Variants in GLI3 observed in about 807,000 individuals in gnomAD.
The protein encoded by GLI3 is GLI family zinc finger 3.
GLI3 carries 20 observed loss-of-function variants against 100.8 expected under a neutral mutation model. The observed-to-expected ratio is 0.20, with a 90% CI of 0.14 to 0.29. The LOEUF (loss-of-function observed/expected upper bound fraction) is 0.29. GLI3 is among the 10% of genes least tolerant of loss of function. The probability of loss-of-function intolerance (pLI) is 1.00; values close to 1 mark genes in which losing one functional copy is unlikely to be tolerated. For missense variants in GLI3, 2,040 were observed against 2,128.5 expected (o/e 0.96, Z 0.82); for synonymous variants, 938 against 860.5 (o/e 1.09, Z -1.58).
At chr7:42,179,820 C>T (rs1019278636) in intron 2 of GLI3, among the ~76,000 whole-genome samples, 3 of 152,124 alleles carry the variant, frequency 2.0e-5, no homozygotes, top group African/African-American at 7.2e-5. Flanking sequence ...GCCTTGCCAT[C>T]ACCTGGGCTA....
At chr7:42,249,991 A>C (rs1221502539) in intron 1 of GLI3, among the ~76,000 whole-genome samples, 1 of 152,116 alleles carries the variant, frequency 6.6e-6, no homozygotes, top group Non-Finnish European at 1.5e-5. Context: ...GCTACTCTGG[A>C]GCCTGAGGTG....
At chr7:42,179,884 A>G (rs1341430074) in intron 2 of GLI3, among the ~76,000 whole-genome samples, 2 of 152,178 alleles carry the variant, frequency 1.3e-5, no homozygotes, top group Non-Finnish European at 2.9e-5. Context: ...CGCCAATGTC[A>G]TGTTTAAGAT....
intron 3 of GLI3, among the ~76,000 whole-genome samples, chr7:42,109,722 T>C (rs1409594133): frequency 6.6e-6 from 1 of 152,170 alleles, no homozygotes; most frequent in African/African-American, 2.4e-5. Flanking sequence ...ACAAATAAGA[T>C]GAAGAGACGC....
At chr7:42,182,662 A>ATATACATGTGTG (rs750131355) in intron 2 of GLI3, among the ~76,000 whole-genome samples, 1 of 76,742 alleles carries the variant, frequency 1.3e-5, no homozygotes, top group Non-Finnish European at 2.5e-5. Flanking sequence ...ATATATATAT[A>ATATACATGTGTG]TATATATATA....
At chr7:42,166,347 T>C (rs1467118726) in intron 2 of GLI3, among the ~76,000 whole-genome samples, 1 of 152,172 alleles carries the variant, frequency 6.6e-6, no homozygotes, top group African/African-American at 2.4e-5. Context: ...GAATAAATAA[T>C]TGAATGAATG....
chr7:42,228,205 G>A (rs1159740526), intron 1 of GLI3, among the ~76,000 whole-genome samples: 1 of 152,140 alleles, frequency 6.6e-6, no homozygotes, highest in Admixed American at 6.5e-5. Flanking sequence ...TCCCGGCCCC[G>A]GCGCGCCCCA....
At chr7:42,235,580 A>C (rs1474724735) in intron 1 of GLI3, among the ~76,000 whole-genome samples, 2 of 152,212 alleles carry the variant, frequency 1.3e-5, no homozygotes, top group African/African-American at 4.8e-5. Flanking sequence ...GGAAAGGCCT[A>C]ATTACTCGAA....
chr7:42,263,313 G>A (rs1276495163), intron 1 of GLI3, among the ~76,000 whole-genome samples: 1 of 152,194 alleles, frequency 6.6e-6, no homozygotes, highest in Non-Finnish European at 1.5e-5. Flanking sequence ...ACAAGTTTAT[G>A]TGCCTATGTT....
In GLI3 at chr7:41,972,597, T is replaced by C. The variant is rs200913720; in HGVS notation, c.1843A>G (p.Thr615Ala). The C allele has an allele frequency of 1.2e-6, 2 of 1,607,450 alleles. No individual in the cohort carries two copies. The highest frequency in any genetic ancestry group is 8.5e-7 in the Non-Finnish European group (1 of 1,179,912). Reference protein sequence around the residue: ...KPYVCKIPGCTKRYTDPSSLR... With the variant: ...KPYVCKIPGCAKRYTDPSSLR... The stretch of plus-strand genomic sequence containing the variant: ...GAGCTTGGGTCTGTGTAACGCTTAG[T>C]GCAGCCTGGGATTTTGCACACATAT... Residue 615 changes from threonine to alanine, a missense_variant, in exon 13 of 15, where the codon ACT (threonine) becomes GCT (alanine). By Grantham distance (58) the Thr-to-Ala change is moderately conservative. Around this residue, in one of 5 missense-constraint regions of GLI3, gnomAD observed 61 missense variants for 150.9 expected, o/e 0.40. Coordinates refer to ENST00000395925, the MANE Select transcript of GLI3 (RefSeq NM_000168.6). The surrounding 1 kb of genome is among the most constrained non-coding windows in gnomAD (Gnocchi z 4.4).
chr7:42,239,061 G>A (rs1788894466), upstream of GLI3, among the ~76,000 whole-genome samples: 1 of 152,282 alleles, frequency 6.6e-6, no homozygotes. Flanking sequence ...GACATGACAA[G>A]TGCAGAGACA....
At chr7:42,261,776 A>G (rs1789142673) in intron 1 of GLI3, among the ~76,000 whole-genome samples, 1 of 152,192 alleles carries the variant, frequency 6.6e-6, no homozygotes, top group Non-Finnish European at 1.5e-5. Flanking sequence ...AGTATTCTTT[A>G]AAGATAGAGA....
intron 2 of GLI3, among the ~76,000 whole-genome samples, chr7:42,176,069 G>C (rs1221922479): frequency 6.6e-6 from 1 of 152,134 alleles, no homozygotes; most frequent in Admixed American, 6.5e-5. Context: ...CCAAGTCACA[G>C]ACAGAATGAT....
chr7:42,024,475 G>A (rs1486254874), intron 9 of GLI3, among the ~76,000 whole-genome samples: 1 of 152,220 alleles, frequency 6.6e-6, no homozygotes, highest in Non-Finnish European at 1.5e-5. Context: ...TGCTGAAAAG[G>A]AAATTTGGGC....
intron 3 of GLI3, among the ~76,000 whole-genome samples, chr7:42,083,304 C>T (rs770557259): frequency 6.6e-6 from 1 of 152,178 alleles, no homozygotes; most frequent in Non-Finnish European, 1.5e-5. Flanking sequence ...TCTTTCTGCA[C>T]CTGGCTTATT....
At position 41,964,823 on chromosome 7, in the gene GLI3, C is replaced by G; in HGVS notation, c.4250G>C (p.Arg1417Thr). 6.2e-7 allele frequency: 1 copy of G among 1,614,016 alleles called. No individual in the cohort carries two copies. Among genetic ancestry groups the G allele is most frequent in the African/African-American group, 1.3e-5 (1 of 75,054 alleles). Residue 1417 changes from arginine to threonine, a missense_variant, in exon 15 of 15, where the codon AGG becomes ACG. Around this residue, in one of 5 missense-constraint regions of GLI3, gnomAD observed 1,041 missense variants for 924.0 expected, o/e 1.13. Transcript: ENST00000395925. ...GQLSDTSQTC[R>T]VNGIKMEMKG... ...CATCTCCATCTTGATACCATTCACC[C>G]TGCAGGTCTGACTTGTGTCACTGAG...
chr7:42,011,390 GC>G, intron 10 of GLI3, among the ~76,000 whole-genome samples: 1 of 152,298 alleles, frequency 6.6e-6, no homozygotes, highest in East Asian at 1.9e-4. Flanking sequence ...TCACCATATG[GC>G]CCAGCAATCC....
chr7:42,207,072 A>C (rs538154803), intron 2 of GLI3, among the ~76,000 whole-genome samples: 2 of 152,238 alleles, frequency 1.3e-5, no homozygotes, highest in Non-Finnish European at 2.9e-5. Context: ...ACGAATGAGA[A>C]GCAAGTCTAT....
intron 2 of GLI3, among the ~76,000 whole-genome samples, chr7:42,196,488 T>C (rs1787931034): frequency 6.6e-6 from 1 of 152,196 alleles, no homozygotes; most frequent in Non-Finnish European, 1.5e-5. Flanking sequence ...AATCTACGTG[T>C]AAATAGAACA....
intron 2 of GLI3, among the ~76,000 whole-genome samples, chr7:42,171,335 G>C (rs770387051): frequency 6.6e-6 from 1 of 152,144 alleles, no homozygotes; most frequent in Non-Finnish European, 1.5e-5. Flanking sequence ...CCTATGAAGA[G>C]AACTAAGGAG....
Sources: gnomAD v4.1 joint callset for allele counts (sites outside exome capture counted in the v4.1 genomes callset) on GRCh38, gnomAD v4.1.1 for gene constraint, gnomAD v4.1.1 regional missense constraint, Gnocchi (gnomAD v3.1) non-coding constraint, MANE v1.5 for transcripts, NCBI Gene and HGNC (gene_info 2026-07-23, HGNC 2026-07-21) for gene names.